Variants in NCR3LG1 observed in about 807,000 individuals in gnomAD.
NCR3LG1 encodes natural killer cell cytotoxicity receptor 3 ligand 1, also known as natural cytotoxicity triggering receptor 3 ligand 1.
Under a neutral mutation model 34.8 loss-of-function variants are expected in NCR3LG1, and 35 were observed. That is an observed-to-expected ratio of 1.01 (90% CI 0.77 to 1.33). The LOEUF (loss-of-function observed/expected upper bound fraction) is 1.33, where lower values mean the gene tolerates loss of function less well. Ranked by LOEUF, NCR3LG1 falls within the 40% of genes most tolerant of loss-of-function variation. The pLI, the probability that NCR3LG1 is intolerant of heterozygous loss-of-function variation, is 0.00. For missense variants in NCR3LG1, 452 were observed against 423.3 expected, an observed-to-expected ratio of 1.07 and a Z score of -0.60; for synonymous variants, 173 against 163.6, an observed-to-expected ratio of 1.06 and a Z score of -0.44.
Position 17,356,722 on chromosome 11 carries a change from T to C in NCR3LG1, c.142T>C (p.Cys48Arg). 1 of 1,536,438 alleles carries C rather than the reference T, an allele frequency of 6.5e-7. No individual in the cohort carries two copies. Among genetic ancestry groups the C allele is most frequent in the Non-Finnish European group, 8.7e-7 (1 of 1,146,970 alleles). ...TPLNDNVTIFCNIFYSQPLNI... is the reference protein window; with the variant it reads ...TPLNDNVTIFRNIFYSQPLNI... The stretch of plus-strand genomic sequence containing the variant: ...CCTGAATGACAATGTCACCATATTC[T>C]GCAATATCTTTTATTCCCAACCCCT... Residue 48 changes from cysteine to arginine, a missense_variant, in exon 2 of 5, where the codon TGC becomes CGC. By Grantham distance (180) the Cys-to-Arg change is radical. Transcript: ENST00000338965.
intron 2 of NCR3LG1, among the ~76,000 whole-genome samples, chr11:17,357,568 T>C (rs918995481): frequency 6.6e-6 from 1 of 152,018 alleles, no homozygotes; most frequent in Non-Finnish European, 1.5e-5. Context: ...CGTAGTAATT[T>C]TGGGAGTGAG....
chr11:17,371,922 C>A, intron 4 of NCR3LG1, 84 bp from the exon 5 acceptor site: 1 of 616,438 alleles, frequency 1.6e-6, no homozygotes, highest in Non-Finnish European at 2.9e-6. Flanking sequence ...AAGGGGGACG[C>A]CCCTTCCATT....
chr11:17,379,656 C>T (rs1953503587), downstream of NCR3LG1, among the ~76,000 whole-genome samples: 1 of 152,238 alleles, frequency 6.6e-6, no homozygotes, highest in African/African-American at 2.4e-5. Context: ...TGACAGCCAC[C>T]TGACTCCATG....
At chr11:17,354,138 GTAAAGCTGTAGT>G (rs1391852034) in intron 1 of NCR3LG1, among the ~76,000 whole-genome samples, 1 of 152,258 alleles carries the variant, frequency 6.6e-6, no homozygotes, top group African/African-American at 2.4e-5. Flanking sequence ...AGAGCAATTT[GTAAAGCTGTAGT>G]TAACAGTCCT....
At chr11:17,354,215 T>G (rs1446159467) in intron 1 of NCR3LG1, among the ~76,000 whole-genome samples, 1 of 152,220 alleles carries the variant, frequency 6.6e-6, no homozygotes, top group African/African-American at 2.4e-5. Context: ...ATACCACTAG[T>G]TGATTTGAAA....
chr11:17,367,218 A>T lies in NCR3LG1; in HGVS notation c.631A>T (p.Ser211Cys). The T allele has an allele frequency of 6.5e-7, 1 of 1,536,400 alleles. No homozygotes were observed. Among genetic ancestry groups the T allele is most frequent in the Non-Finnish European group, 8.7e-7 (1 of 1,146,956 alleles). ...KNMDGTFNVT[S>C]CLKLNSSQED... ...TATGGATGGCACATTTAATGTCACT[A>T]GCTGCTTGAAGCTGAACTCCTCTCA... Residue 211 changes from serine (S) to cysteine (C), a missense_variant, in exon 3 of 5, where the codon AGC becomes TGC. Ser to Cys is a moderately radical substitution (Grantham distance 112, BLOSUM62 -1). Coordinates refer to ENST00000338965, the MANE Select transcript of NCR3LG1 (RefSeq NM_001202439.3).
chr11:17,363,542 C>CCCTTCCTT (rs1227232391), intron 2 of NCR3LG1, among the ~76,000 whole-genome samples: 4,429 of 54,250 alleles, frequency 0.082, 424 homozygotes, highest in African/African-American at 0.12. Flanking sequence ...CTCCCTCCCT[C>CCCTTCCTT]CCTTCCTTCC....
At chr11:17,365,603 G>A (rs1953336739) in intron 2 of NCR3LG1, among the ~76,000 whole-genome samples, 2 of 152,092 alleles carry the variant, frequency 1.3e-5, no homozygotes, top group African/African-American at 4.8e-5. Context: ...TTGAGATGGA[G>A]GGAATAATCT....
In NCR3LG1 at chr11:17,376,815, T is replaced by C. The variant is rs1456681760; in HGVS notation, c.*4303T>C. ...GGAGATCTCAAATATTATAACACCATACTTGTAATTGCTGAAAGCTCGGAA... is the reference window on the plus strand; with the variant it reads ...GGAGATCTCAAATATTATAACACCACACTTGTAATTGCTGAAAGCTCGGAA... On this transcript the variant is annotated 3_prime_UTR_variant, in exon 5 of 5. Coordinates refer to ENST00000338965, the MANE Select transcript of NCR3LG1 (RefSeq NM_001202439.3). 6.6e-6 allele frequency: 1 copy of C among 152,152 alleles called. No individual in the cohort carries two copies. Among genetic ancestry groups the C allele is most frequent in the Non-Finnish European group, 1.5e-5 (1 of 68,036 alleles). The allele number at this position is 152,152 out of a possible 1,614,324, so 9.4% of individuals were successfully genotyped here. A position where few individuals can be genotyped will look rare whatever the true frequency, so the allele number is the denominator to read the frequency against.
downstream of NCR3LG1, among the ~76,000 whole-genome samples, chr11:17,378,908 T>G (rs1005622606): frequency 1.9e-4 from 29 of 152,116 alleles, no homozygotes; most frequent in African/African-American, 6.5e-4. Flanking sequence ...TTCCATTCCC[T>G]GAGACATGCG....
In NCR3LG1 at chr11:17,351,938, G is replaced by A; in HGVS notation, c.-32G>A. The A allele has an allele frequency of 1.3e-6, 2 of 1,524,596 alleles. No homozygotes were observed. Among genetic ancestry groups the A allele is most frequent in the South Asian group, 1.2e-5 (1 of 83,646 alleles). 94.4% of individuals were successfully genotyped at this position (1,524,596 alleles called of 1,614,324 possible). A position where few individuals can be genotyped will look rare whatever the true frequency, so the allele number is the denominator to read the frequency against. ...CTACCGGGCCGCCTGCTCCCACTCG[G>A]CGAAAAAAATTACACAACAGCAGCC... On this transcript the variant is annotated 5_prime_UTR_variant, in exon 1 of 5. Transcript: ENST00000338965.
At chr11:17,370,741 C>G (rs954655044) in intron 4 of NCR3LG1, among the ~76,000 whole-genome samples, 1 of 152,120 alleles carries the variant, frequency 6.6e-6, no homozygotes, top group African/African-American at 2.4e-5. Context: ...TAACTCCAGC[C>G]CCCGACAGCC....
chr11:17,357,043 G>T, intron 2 of NCR3LG1, 42 bp downstream of exon 2: 1 of 1,360,322 alleles, frequency 7.4e-7, no homozygotes, highest in South Asian at 1.5e-5. Context: ...CCATGGTGTT[G>T]GGGTTAGCAA....
chr11:17,363,009 C>T (rs1335552308), intron 2 of NCR3LG1, among the ~76,000 whole-genome samples: 2 of 149,254 alleles, frequency 1.3e-5, no homozygotes, highest in African/African-American at 2.5e-5. Flanking sequence ...CAGCCTTGAC[C>T]TCCTGGGCAC....
rs1247168471 is a variant in NCR3LG1 at position 17,367,270 on chromosome 11, G to T, written c.683G>T (p.Cys228Phe). 1.3e-6 allele frequency: 2 copies of T among 1,536,272 alleles called. No individual in the cohort carries two copies. Among genetic ancestry groups the T allele is most frequent in the Admixed American group, 2.0e-5 (1 of 51,008 alleles). Residue 228 changes from cysteine (C) to phenylalanine (F), a missense_variant, in exon 3 of 5, where the codon TGT becomes TTT. Cys to Phe is a radical substitution (Grantham distance 205). Coordinates refer to ENST00000338965, the MANE Select transcript of NCR3LG1 (RefSeq NM_001202439.3). ...SQEDPGTVYQ[C>F]VVRHASLHTP... Reference sequence around the variant, plus strand: ...GAAGACCCTGGGACTGTCTACCAGTGTGTGGTACGGCATGCGTCCTTGCAT... The same window carrying T: ...GAAGACCCTGGGACTGTCTACCAGTTTGTGGTACGGCATGCGTCCTTGCAT...
At chr11:17,361,970 A>T (rs1278015903) in intron 2 of NCR3LG1, among the ~76,000 whole-genome samples, 1 of 152,162 alleles carries the variant, frequency 6.6e-6, no homozygotes, top group Non-Finnish European at 1.5e-5. Flanking sequence ...TTCTAACTTT[A>T]TACCTTTTAT....
chr11:17,364,844 C>A (rs935889159), intron 2 of NCR3LG1, among the ~76,000 whole-genome samples: 17 of 152,182 alleles, frequency 1.1e-4, no homozygotes, highest in African/African-American at 4.1e-4. Flanking sequence ...TTGCGTTCAG[C>A]CTCCTTGTCA....
chr11:17,376,614 G>A lies in NCR3LG1; in HGVS notation c.*4102G>A, dbSNP rs1490401123. On this transcript the variant is annotated 3_prime_UTR_variant, in exon 5 of 5. Transcript: ENST00000338965. ...GACTTGTCAGGCATAAATGGAACAT[G>A]GTATGGGAACACTTTCAACTGAGTA... 1 of 152,112 alleles carries A rather than the reference G, an allele frequency of 6.6e-6. No homozygotes were observed. The highest frequency in any genetic ancestry group is 1.5e-5 in the Non-Finnish European group (1 of 68,016). The allele number at this position is 152,112 out of a possible 1,614,324, so 9.4% of individuals were successfully genotyped here. A position where few individuals can be genotyped will look rare whatever the true frequency, so the allele number is the denominator to read the frequency against.
At chr11:17,353,193 G>A (rs1444619253) in intron 1 of NCR3LG1, among the ~76,000 whole-genome samples, 2 of 152,256 alleles carry the variant, frequency 1.3e-5, no homozygotes, top group Non-Finnish European at 2.9e-5. Context: ...TCCACAGTTT[G>A]AGAAACAGAA....
Sources: gnomAD v4.1 joint callset for allele counts (sites outside exome capture counted in the v4.1 genomes callset) on GRCh38, gnomAD v4.1.1 for gene constraint, MANE v1.5 for transcripts, NCBI Gene and HGNC (gene_info 2026-07-23, HGNC 2026-07-21) for gene names.